LNPK: variants seen among roughly 807,000 people sequenced by gnomAD.
LNPK encodes the protein endoplasmic reticulum junction formation protein lunapark.
In LNPK, 29 loss-of-function variants were observed where a neutral mutation model predicts 55.2. The observed-to-expected ratio is 0.53, with a 90% CI of 0.39 to 0.72. The LOEUF (loss-of-function observed/expected upper bound fraction) is 0.72. LNPK is among the 30% of genes least tolerant of loss of function. The probability of loss-of-function intolerance (pLI) is 0.00; values close to 1 mark genes in which losing one functional copy is unlikely to be tolerated. For missense variants in LNPK, 467 were observed against 494.8 expected (o/e 0.94, Z 0.53); for synonymous variants, 162 against 168.2 (o/e 0.96, Z 0.29).
At chr2:175,945,646 A>T (rs1166694827) in intron 9 of LNPK, among the ~76,000 whole-genome samples, 1 of 152,226 alleles carries the variant, frequency 6.6e-6, no homozygotes, top group Non-Finnish European at 1.5e-5. Flanking sequence ...TTCAACTTGA[A>T]TAAGCAAGCC....
chr2:175,999,689 G>C (rs1408465499), intron 1 of LNPK, among the ~76,000 whole-genome samples: 1 of 152,176 alleles, frequency 6.6e-6, no homozygotes, highest in Non-Finnish European at 1.5e-5. Flanking sequence ...AACATGTACA[G>C]AGTGTTTCTT....
At chr2:175,969,523 G>T (rs887922056) in intron 6 of LNPK, among the ~76,000 whole-genome samples, 8 of 152,010 alleles carry the variant, frequency 5.3e-5, no homozygotes, top group African/African-American at 1.9e-4. Flanking sequence ...TTTCTTTTCT[G>T]CTTTCCTTTG....
chr2:175,939,268 C>G (rs989696865), intron 10 of LNPK, among the ~76,000 whole-genome samples: 2 of 152,104 alleles, frequency 1.3e-5, no homozygotes, highest in African/African-American at 2.4e-5. Flanking sequence ...CAGAGTTGAA[C>G]TATGTTTTTG....
In LNPK at chr2:175,923,951, ATATTTATC is replaced by A. The variant is rs1458575966; in HGVS notation, c.*6008_*6015del. ...TAACAAATGTACTTTCTATATTTAT[ATATTTATC>A]TGTCTACATTCAGAGCCTGAATATA... is the stretch of plus-strand genomic sequence containing the variant. On this transcript the variant is annotated 3_prime_UTR_variant, in exon 13 of 13. Transcript: ENST00000272748. 4 of 152,304 alleles carry A rather than the reference ATATTTATC, an allele frequency of 2.6e-5. No homozygotes were observed. In the East Asian group the frequency reaches 7.7e-4, roughly 29 times the overall value. 9.4% of individuals were successfully genotyped at this position (152,304 alleles called of 1,614,324 possible). A position where few individuals can be genotyped will look rare whatever the true frequency, so the allele number is the denominator to read the frequency against.
At chr2:175,952,386 ATAGT>A (rs1343174605) in intron 8 of LNPK, among the ~76,000 whole-genome samples, 2 of 151,994 alleles carry the variant, frequency 1.3e-5, no homozygotes, top group Admixed American at 6.6e-5. Context: ...CTATAGTACT[ATAGT>A]TAGGGCACAG....
intron 4 of LNPK, among the ~76,000 whole-genome samples, chr2:175,990,997 G>A (rs1270854538): frequency 1.3e-5 from 2 of 152,070 alleles, no homozygotes; most frequent in Non-Finnish European, 2.9e-5. Flanking sequence ...AGAACAATTA[G>A]TATATAATTT....
In LNPK at chr2:175,992,256, G is replaced by C; in HGVS notation, c.232C>G (p.Leu78Val). 1 of 1,555,710 alleles carries C rather than the reference G, an allele frequency of 6.4e-7. No individual in the cohort carries two copies. Among genetic ancestry groups the C allele is most frequent in the Non-Finnish European group, 8.6e-7 (1 of 1,161,514 alleles). ...ATCAATGGAAAAGCAAAAAATGGGA[G>C]TGTCATGGCAAGTCTTGCTGTAAAT... ...DEFTARLAMT[L>V]PFFAFPLIIW... The change falls in exon 4 of 13, where the codon CTC (leucine) becomes GTC (valine). Residue 78 changes from leucine (L) to valine (V), a missense_variant. By Grantham distance (32) the Leu-to-Val change is conservative (BLOSUM62 1). Transcript: ENST00000272748.
At chr2:175,956,534 A>G (rs776036876) in intron 8 of LNPK, among the ~76,000 whole-genome samples, 1 of 152,176 alleles carries the variant, frequency 6.6e-6, no homozygotes, top group African/African-American at 2.4e-5. Flanking sequence ...GCCACATAAT[A>G]AACATTTTAG....
chr2:175,981,678 T>C (rs1260376108), intron 4 of LNPK, among the ~76,000 whole-genome samples: 1 of 152,162 alleles, frequency 6.6e-6, no homozygotes, highest in Non-Finnish European at 1.5e-5. Context: ...TACCGAGCAG[T>C]GAGCTGGAGA....
At chr2:175,967,197 G>C (rs973531911) in intron 6 of LNPK, among the ~76,000 whole-genome samples, 1 of 152,052 alleles carries the variant, frequency 6.6e-6, no homozygotes, top group Non-Finnish European at 1.5e-5. Flanking sequence ...GCTATCGTTA[G>C]TGTTAAAGAA....
At chr2:175,986,987 C>T (rs1271909719) in intron 4 of LNPK, among the ~76,000 whole-genome samples, 2 of 142,320 alleles carry the variant, frequency 1.4e-5, no homozygotes, top group Admixed American at 6.9e-5. Context: ...AAAAAACAAA[C>T]GAAAAAAACA....
rs376039898 is a variant in LNPK, at chr2:175,993,138, A to C, written c.69+44T>G. 5.0e-6 allele frequency: 6 copies of C among 1,196,256 alleles called. No individual in the cohort carries two copies. The African/African-American group carries it at 9.3e-5, about 19-fold the overall frequency. The allele number at this position is 1,196,256 out of a possible 1,614,324, so 74.1% of individuals were successfully genotyped here. ...ATATATACTACAATAATATTTACTT[A>C]ATACCTAAAATGAATTAAAATACCT... is the stretch of plus-strand genomic sequence containing the variant. On this transcript the variant is annotated intron_variant, in intron 3 of 12. Transcript: ENST00000272748.
chr2:175,967,104 G>A (rs1686396707), intron 6 of LNPK, among the ~76,000 whole-genome samples: 1 of 152,174 alleles, frequency 6.6e-6, no homozygotes, highest in Non-Finnish European at 1.5e-5. Flanking sequence ...GCCCAAGATA[G>A]CTTTGAATGC....
chr2:175,990,959 T>C (rs1687673772), intron 4 of LNPK, among the ~76,000 whole-genome samples: 1 of 152,158 alleles, frequency 6.6e-6, no homozygotes, highest in Non-Finnish European at 1.5e-5. Flanking sequence ...ATTACATTTT[T>C]AAAGAAATGA....
chr2:175,959,325 G>A (rs1266744242), intron 8 of LNPK, among the ~76,000 whole-genome samples: 2 of 152,108 alleles, frequency 1.3e-5, no homozygotes, highest in African/African-American at 4.8e-5. Flanking sequence ...GAGAAAAGTC[G>A]AGTTACCCAC....
At chr2:176,000,014 C>T (rs2105377312) in intron 1 of LNPK, among the ~76,000 whole-genome samples, 1 of 152,338 alleles carries the variant, frequency 6.6e-6, no homozygotes, top group East Asian at 1.9e-4. Flanking sequence ...GATCCACCTG[C>T]CTTGGCCTCC....
chr2:175,974,152 C>G (rs150233461), intron 5 of LNPK, among the ~76,000 whole-genome samples: 2 of 152,116 alleles, frequency 1.3e-5, no homozygotes, highest in Non-Finnish European at 1.5e-5. Context: ...ATATTGTACT[C>G]TTTTAGCACA....
At chr2:175,958,675 T>C (rs1093745) in intron 8 of LNPK, among the ~76,000 whole-genome samples, 76,961 of 151,878 alleles carry the variant, frequency 0.51, 20,248 homozygotes, top group African/African-American at 0.64. Context: ...TCCGAAGGAT[T>C]GCAGCTCCTT....
At chr2:175,995,733 T>G in intron 1 of LNPK, 87 bp from the exon 2 acceptor site, 1 of 471,642 alleles carries the variant, frequency 2.1e-6, no homozygotes, top group Non-Finnish European at 3.8e-6. Flanking sequence ...AAAAATGTTA[T>G]GAAATATTAA....
Sources: allele counts gnomAD v4.1 joint callset (sites outside exome capture counted in the v4.1 genomes callset), GRCh38; gene constraint gnomAD v4.1.1; transcripts MANE v1.5; gene names NCBI Gene and HGNC (gene_info 2026-07-23, HGNC 2026-07-21).